HS6ST3: variants seen among roughly 807,000 people sequenced by gnomAD.
HS6ST3 encodes the protein heparan-sulfate 6-O-sulfotransferase 3.
HS6ST3 carries 12 observed loss-of-function variants against 36.7 expected under a neutral mutation model. The observed-to-expected ratio is 0.33, with a 90% CI of 0.21 to 0.53. The LOEUF (loss-of-function observed/expected upper bound fraction) is 0.53. Among genes scored for constraint, HS6ST3 ranks in the 20% least tolerant of loss-of-function variants. The pLI, the probability that HS6ST3 is intolerant of heterozygous loss-of-function variation, is 0.95. For missense variants in HS6ST3, 584 were observed against 640.9 expected (o/e 0.91, Z 0.96); for synonymous variants, 240 against 257.5 (o/e 0.93, Z 0.65).
chr13:96,792,392 C>G (rs896765916), intron 1 of HS6ST3, among the ~76,000 whole-genome samples: 2 of 151,810 alleles, frequency 1.3e-5, no homozygotes, highest in Non-Finnish European at 2.9e-5. Flanking sequence ...TTGTGACGCC[C>G]CCTCTGGTGC....
At chr13:96,510,945 A>G (rs950076437) in intron 1 of HS6ST3, among the ~76,000 whole-genome samples, 3 of 151,882 alleles carry the variant, frequency 2.0e-5, no homozygotes, top group African/African-American at 7.3e-5. Flanking sequence ...GCTTTTATTT[A>G]TGTTTCTGCA....
intron 1 of HS6ST3, chr13:96,573,736 C>A: frequency 3.1e-6 from 1 of 325,028 alleles, no homozygotes; most frequent in South Asian, 2.6e-5. Context: ...AATGAGTCCA[C>A]AGCCGTCCCC....
At chr13:96,278,051 G>T (rs1380620649) in intron 1 of HS6ST3, among the ~76,000 whole-genome samples, 1 of 152,164 alleles carries the variant, frequency 6.6e-6, no homozygotes, top group African/African-American at 2.4e-5. Context: ...TTAAAGACAT[G>T]GCTGACATGG....
chr13:96,455,727 G>A (rs905416439), intron 1 of HS6ST3, among the ~76,000 whole-genome samples: 8 of 152,294 alleles, frequency 5.3e-5, no homozygotes, highest in African/African-American at 1.9e-4. Context: ...ATAGAAGTTT[G>A]ATAGTTAAAT....
At chr13:96,485,736 G>C (rs776017947) in intron 1 of HS6ST3, among the ~76,000 whole-genome samples, 46 of 152,114 alleles carry the variant, frequency 3.0e-4, no homozygotes, top group Non-Finnish European at 8.8e-5. Context: ...TTAATGAAAT[G>C]GATGGAGGGA....
chr13:96,240,835 C>T lies in HS6ST3; in HGVS notation c.707+149266C>T, dbSNP rs141141341. On this transcript the variant is annotated intron_variant, in intron 1 of 1. Transcript: ENST00000376705. ...CTAGCTACAGTGTGGTTATGCATTC[C>T]AGGCAAGGTAGTATGGAGGCTTTTT... Among the ~76,000 whole-genome samples, 18 of 152,268 alleles carry T rather than the reference C, an allele frequency of 1.2e-4. No homozygotes were observed. The East Asian group carries it at 3.5e-3, about 29-fold the overall frequency.
intron 1 of HS6ST3, among the ~76,000 whole-genome samples, chr13:96,593,353 T>C (rs1031114291): frequency 6.6e-6 from 1 of 151,054 alleles, no homozygotes; most frequent in Non-Finnish European, 1.5e-5. Flanking sequence ...CCAGCTAATT[T>C]TTTTTTTGTT....
At chr13:96,529,649 G>A (rs1357328674) in intron 1 of HS6ST3, among the ~76,000 whole-genome samples, 3 of 151,868 alleles carry the variant, frequency 2.0e-5, no homozygotes, top group African/African-American at 4.8e-5. Context: ...TTATTCTCAA[G>A]TTTGCCTATT....
intron 1 of HS6ST3, among the ~76,000 whole-genome samples, chr13:96,718,508 C>G (rs988505413): frequency 2.0e-4 from 31 of 152,136 alleles, no homozygotes; most frequent in Non-Finnish European, 4.3e-4. Context: ...AAATTGGATG[C>G]TGACCTCTGT....
At chr13:96,109,054 A>G (rs1389802921) in intron 1 of HS6ST3, among the ~76,000 whole-genome samples, 1 of 152,186 alleles carries the variant, frequency 6.6e-6, no homozygotes, top group Non-Finnish European at 1.5e-5. Context: ...ACTCTATCAT[A>G]GTTAGCAAGA....
chr13:96,580,813 T>C (rs1024831111), intron 1 of HS6ST3, among the ~76,000 whole-genome samples: 4 of 152,198 alleles, frequency 2.6e-5, no homozygotes, highest in Admixed American at 2.6e-4. Flanking sequence ...AATAGATACA[T>C]ACAAACCCAC....
intron 1 of HS6ST3, among the ~76,000 whole-genome samples, chr13:96,182,682 G>A (rs993756617): frequency 5.9e-5 from 9 of 152,156 alleles, no homozygotes; most frequent in Non-Finnish European, 1.0e-4. Flanking sequence ...AGCAGACATA[G>A]CATCAAATGT....
At position 96,090,829 on chromosome 13, in the gene HS6ST3, C is replaced by A; in HGVS notation, c.-34C>A. On this transcript the variant is annotated 5_prime_UTR_variant, in exon 1 of 2. Transcript: ENST00000376705. ...CCCGTCCGCCCTGCCGCCGCCGCCGCCGCCGCTTCGCCTGCCGGCCTGAGA... is the reference window on the plus strand; with the variant it reads ...CCCGTCCGCCCTGCCGCCGCCGCCGACGCCGCTTCGCCTGCCGGCCTGAGA... 1 of 1,465,150 alleles carries A rather than the reference C, an allele frequency of 6.8e-7. No homozygotes were observed. Among genetic ancestry groups the A allele is most frequent in the Non-Finnish European group, 9.1e-7 (1 of 1,103,470 alleles). The allele number at this position is 1,465,150 out of a possible 1,614,324, so 90.8% of individuals were successfully genotyped here.
intron 1 of HS6ST3, among the ~76,000 whole-genome samples, chr13:96,747,579 G>A (rs1876591601): frequency 6.6e-6 from 1 of 151,828 alleles, no homozygotes; most frequent in Non-Finnish European, 1.5e-5. Context: ...GATTTTCTTT[G>A]TAACTTTACA....
chr13:96,734,482 T>C (rs932108594), intron 1 of HS6ST3, among the ~76,000 whole-genome samples: 1 of 152,232 alleles, frequency 6.6e-6, no homozygotes, highest in Non-Finnish European at 1.5e-5. Flanking sequence ...AGTAACTATT[T>C]GTTAGAGAGG....
At chr13:96,111,893 C>T (rs1403722995) in intron 1 of HS6ST3, among the ~76,000 whole-genome samples, 2 of 151,942 alleles carry the variant, frequency 1.3e-5, no homozygotes, top group Non-Finnish European at 2.9e-5. Flanking sequence ...TGGAAGAAAC[C>T]ATATTATAAA....
At chr13:96,507,974 TA>T (rs2056033310) in intron 1 of HS6ST3, among the ~76,000 whole-genome samples, 1 of 152,078 alleles carries the variant, frequency 6.6e-6, no homozygotes, top group Admixed American at 6.6e-5. Flanking sequence ...AGGTTAAAAA[TA>T]AGAGTGACGA....
At chr13:96,569,233 G>T (rs1335414580) in intron 1 of HS6ST3, among the ~76,000 whole-genome samples, 1 of 152,178 alleles carries the variant, frequency 6.6e-6, no homozygotes, top group African/African-American at 2.4e-5. Context: ...TAATGTGACA[G>T]AAAGAAGTTA....
intron 1 of HS6ST3, among the ~76,000 whole-genome samples, chr13:96,406,127 T>C (rs2055477081): frequency 6.6e-6 from 1 of 152,218 alleles, no homozygotes; most frequent in South Asian, 2.1e-4. Context: ...ATGTTGTATG[T>C]ATTTTGGATT....
Sources: gnomAD v4.1 joint callset for allele counts (sites outside exome capture counted in the v4.1 genomes callset) on GRCh38, gnomAD v4.1.1 for gene constraint, MANE v1.5 for transcripts, NCBI Gene and HGNC (gene_info 2026-07-23, HGNC 2026-07-21) for gene names.